The following LMF1 variants were observed in gnomAD, a reference collection of about 807,000 sequenced individuals.
LMF1 encodes lipase maturation factor 1.
Under a neutral mutation model 60.6 loss-of-function variants are expected in LMF1, and 68 were observed. The ratio of observed to expected loss-of-function variants is 1.12; its 90% CI spans 0.92 to 1.37. LMF1 has a LOEUF of 1.37. Among genes scored for constraint, LMF1 ranks in the 40% most tolerant of loss-of-function variants. The pLI, the probability that LMF1 is intolerant of heterozygous loss-of-function variation, is 0.00. For synonymous variants in LMF1, 418 were observed against 324.7 expected, an observed-to-expected ratio of 1.29 and a Z score of -3.09; for missense variants, 948 against 767.2, an observed-to-expected ratio of 1.24 and a Z score of -2.78.
At chr16:929,596 A>G (rs1392846708) in intron 3 of LMF1, among the ~76,000 whole-genome samples, 2 of 152,170 alleles carry the variant, frequency 1.3e-5, no homozygotes, top group Non-Finnish European at 2.9e-5. Context: ...CTCACTGAAT[A>G]TCAAAAGGTG....
At chr16:917,295 GCGGGCGGGCA>G (rs1469851278) in intron 3 of LMF1, among the ~76,000 whole-genome samples, 37 of 108,444 alleles carry the variant, frequency 3.4e-4, no homozygotes, top group African/African-American at 1.5e-3. Flanking sequence ...CGTGTGCACT[GCGGGCGGGCA>G]CAGGCCCACG....
At chr16:877,868 C>T (rs2070038709) in intron 6 of LMF1, among the ~76,000 whole-genome samples, 1 of 152,170 alleles carries the variant, frequency 6.6e-6, no homozygotes, top group African/African-American at 2.4e-5. Flanking sequence ...AGGTCAAGGT[C>T]ACCAGAGTCC....
chr16:907,540 G>A (rs958453051), intron 4 of LMF1, among the ~76,000 whole-genome samples: 1 of 152,112 alleles, frequency 6.6e-6, no homozygotes, highest in African/African-American at 2.4e-5. Context: ...AGGGCCACGG[G>A]GCTCCCCCTG....
At chr16:930,422 C>G (rs2071745996) in intron 3 of LMF1, among the ~76,000 whole-genome samples, 1 of 152,210 alleles carries the variant, frequency 6.6e-6, no homozygotes, top group Non-Finnish European at 1.5e-5. Context: ...AATTAGCTGG[C>G]CATGACAGTG....
intron 6 of LMF1, among the ~76,000 whole-genome samples, chr16:876,433 T>G (rs961964142): frequency 6.6e-6 from 1 of 152,138 alleles, no homozygotes; most frequent in Non-Finnish European, 1.5e-5. Context: ...TGAGCAACAC[T>G]GCGAATGGCT....
At chr16:901,094 G>A (rs1413701181) in intron 4 of LMF1, 2 of 152,172 alleles carry the variant, frequency 1.3e-5, no homozygotes, top group Admixed American at 6.5e-5. Flanking sequence ...TTGGGAGGGG[G>A]AAGGTACAGA....
chr16:954,887 ACG>A (rs1328412434), intron 1 of LMF1, among the ~76,000 whole-genome samples: 2 of 145,964 alleles, frequency 1.4e-5, no homozygotes, highest in East Asian at 2.0e-4. Flanking sequence ...GTGTGCATAC[ACG>A]CATACACATC....
At chr16:913,786 T>C (rs2071189925) in intron 3 of LMF1, among the ~76,000 whole-genome samples, 1 of 152,106 alleles carries the variant, frequency 6.6e-6, no homozygotes, top group Admixed American at 6.5e-5. Context: ...TTGAAGGCTC[T>C]GGATGTCAGG....
intron 10 of LMF1, 107 bp from the exon 11 acceptor site, chr16:854,813 C>T: frequency 9.4e-7 from 1 of 1,068,912 alleles, no homozygotes. Flanking sequence ...CCCCCACGGA[C>T]AGAGGGGCTG....
chr16:870,567 G>A (rs907345158), intron 8 of LMF1, among the ~76,000 whole-genome samples, 162 bp downstream of exon 8: 3 of 152,212 alleles, frequency 2.0e-5, no homozygotes, highest in Non-Finnish European at 4.4e-5. Context: ...GTCCAGGCCC[G>A]GTAGTGGGGA....
intron 2 of LMF1, among the ~76,000 whole-genome samples, chr16:941,110 C>T (rs2072090080): frequency 6.6e-6 from 1 of 152,182 alleles, no homozygotes; most frequent in Non-Finnish European, 1.5e-5. Context: ...CTCTAGCTTT[C>T]CAGTATATTT....
intron 5 of LMF1, among the ~76,000 whole-genome samples, chr16:881,232 C>A (rs971954316): frequency 6.6e-6 from 1 of 152,262 alleles, no homozygotes; most frequent in South Asian, 2.1e-4. Flanking sequence ...CCCCAGTGCA[C>A]CCCAAGAGCC....
intron 10 of LMF1, chr16:855,483 CAT>C: frequency 2.8e-6 from 1 of 357,414 alleles, no homozygotes; most frequent in South Asian, 2.1e-5. Context: ...GAGGACTGGG[CAT>C]TTTCTCCTGG....
Position 871,356 on chromosome 16 carries a change from C to T in LMF1, c.898-15G>A. 6.2e-7 allele frequency: 1 copy of T among 1,610,988 alleles called. No homozygotes were observed. Among genetic ancestry groups the T allele is most frequent in the East Asian group, 2.2e-5 (1 of 44,852 alleles). ...ATGAGGACGGCCTGTGGAGACGCCG[C>T]AGCTGAGTCTCGTGCAGGGGCTCGT... On this transcript the variant is annotated splice_polypyrimidine_tract_variant and intron_variant, in intron 6 of 10. Transcript: ENST00000262301.
rs1192972080 is a variant in LMF1, at chr16:854,135, C to G, written c.*397G>C. 1 of 469,608 alleles carries G rather than the reference C, an allele frequency of 2.1e-6. No homozygotes were observed. 29.1% of individuals were successfully genotyped at this position (469,608 alleles called of 1,614,324 possible). A position where few individuals can be genotyped will look rare whatever the true frequency, so the allele number is the denominator to read the frequency against. ...CATTGAAGAGGGAACAGAAACCAGG[C>G]CCTGGGACGCTAGAGACCCCAAGAG... is the stretch of plus-strand genomic sequence containing the variant. On this transcript the variant is annotated 3_prime_UTR_variant, in exon 11 of 11. Coordinates refer to ENST00000262301, the MANE Select transcript of LMF1 (RefSeq NM_022773.4).
At chr16:950,535 C>A (rs1457918836) in intron 2 of LMF1, among the ~76,000 whole-genome samples, 2 of 95,590 alleles carry the variant, frequency 2.1e-5, no homozygotes, top group African/African-American at 6.1e-5. Context: ...AGAGTCAGAG[C>A]CAATGACAGA....
At chr16:974,843 G>A (rs544530137), upstream of LMF1, among the ~76,000 whole-genome samples, 1 of 152,236 alleles carries the variant, frequency 6.6e-6, no homozygotes. Flanking sequence ...GCACCCGCAG[G>A]AAGCCAGTGT....
rs553087445 is a variant in LMF1, at chr16:963,159, G to A, written c.193+7629C>T. On this transcript the variant is annotated intron_variant, in intron 1 of 10. Transcript: ENST00000262301. ...ATGAGGTGGGACACAGAGGGGACTC[G>A]GGGTGGGTCGCAGGGCGGGAAACAG... Among the ~76,000 whole-genome samples the A allele has an allele frequency of 6.6e-4, 100 of 152,140 alleles. 1 individual carries two copies. In the South Asian group the frequency reaches 0.014, roughly 21 times the overall value.
chr16:964,007 A>G (rs1299805598), intron 1 of LMF1: 1 of 455,942 alleles, frequency 2.2e-6, no homozygotes, highest in Non-Finnish European at 4.4e-6. Flanking sequence ...CAGCAGAGCC[A>G]TGGCGGCCAC....
Sources: gnomAD v4.1 joint callset for allele counts (sites outside exome capture counted in the v4.1 genomes callset) on GRCh38, gnomAD v4.1.1 for gene constraint, MANE v1.5 for transcripts, NCBI Gene and HGNC (gene_info 2026-07-23, HGNC 2026-07-21) for gene names.